Variants in PHF21B observed in about 807,000 individuals in gnomAD.
PHF21B encodes PHD finger protein 21B, also known as PHD finger protein 4.
In PHF21B, 22 loss-of-function variants were observed where a neutral mutation model predicts 62.2. The observed-to-expected ratio is 0.35, with a 90% confidence interval of 0.25 to 0.51. PHF21B has a LOEUF of 0.51. Ranked by LOEUF, PHF21B falls within the 20% of genes least tolerant of loss-of-function variation. The probability of loss-of-function intolerance (pLI) is 0.97; values close to 1 mark genes in which losing one functional copy is unlikely to be tolerated. For synonymous variants in PHF21B, 341 were observed against 314.7 expected, an observed-to-expected ratio of 1.08 and a Z score of -0.88; for missense variants, 701 against 707.9, an observed-to-expected ratio of 0.99 and a Z score of 0.11.
At chr22:44,912,618 TGA>T (rs921381193) in intron 5 of PHF21B, among the ~76,000 whole-genome samples, 51 of 152,166 alleles carry the variant, frequency 3.4e-4, no homozygotes, top group African/African-American at 1.2e-3. Flanking sequence ...TGTGGAACTG[TGA>T]GTTCTCCATT....
At chr22:44,931,119 A>G (rs1371763648) in intron 2 of PHF21B, among the ~76,000 whole-genome samples, 2 of 151,778 alleles carry the variant, frequency 1.3e-5, no homozygotes, top group Non-Finnish European at 2.9e-5. Context: ...CAGTGGCGCA[A>G]CCGTAGCTCA....
chr22:44,914,368 G>C (rs1415636941), intron 4 of PHF21B, among the ~76,000 whole-genome samples: 1 of 152,252 alleles, frequency 6.6e-6, no homozygotes, highest in Non-Finnish European at 1.5e-5. Flanking sequence ...CCGCTTCCCA[G>C]CTGTGTGGCC....
intron 2 of PHF21B, among the ~76,000 whole-genome samples, chr22:44,940,551 G>A (rs769324177): frequency 3.3e-5 from 5 of 152,232 alleles, no homozygotes; most frequent in South Asian, 2.1e-4. Context: ...GAAGGAGGCC[G>A]CCTGAGAGGC....
intron 2 of PHF21B, among the ~76,000 whole-genome samples, chr22:44,973,095 C>T (rs373968691): frequency 6.6e-6 from 1 of 152,214 alleles, no homozygotes; most frequent in Non-Finnish European, 1.5e-5. Flanking sequence ...TGACTCCCCA[C>T]CCCCAGTCAT....
At chr22:44,995,120 A>T (rs2073099450) in intron 2 of PHF21B, among the ~76,000 whole-genome samples, 1 of 152,138 alleles carries the variant, frequency 6.6e-6, no homozygotes, top group Non-Finnish European at 1.5e-5. Flanking sequence ...CCCTCCAGTC[A>T]CCAAGGTTGT....
intron 2 of PHF21B, chr22:44,968,890 G>A (rs1489943916): frequency 6.6e-6 from 1 of 152,122 alleles, no homozygotes; most frequent in Non-Finnish European, 1.5e-5. Flanking sequence ...CTACTTTATT[G>A]ACTTTGTAGC....
At chr22:44,896,131 C>T (rs758796774) in intron 5 of PHF21B, 48 bp from the exon 6 acceptor site, 1 of 1,602,128 alleles carries the variant, frequency 6.2e-7, no homozygotes, top group Admixed American at 1.7e-5. Flanking sequence ...CGTCAAAGTT[C>T]ATTCATGCAC....
At chr22:44,964,088 A>G (rs2072477021) in intron 2 of PHF21B, among the ~76,000 whole-genome samples, 2 of 152,238 alleles carry the variant, frequency 1.3e-5, no homozygotes. Context: ...TGGACCCAAC[A>G]AGAGCAAGAG....
At chr22:44,920,536 G>A in intron 2 of PHF21B, 46 bp from the exon 3 acceptor site, 1 of 1,483,128 alleles carries the variant, frequency 6.7e-7, no homozygotes, top group Non-Finnish European at 9.2e-7. Flanking sequence ...GAGCAGCTGA[G>A]ACCGAATCCG....
In PHF21B at chr22:44,887,000, C is replaced by T. The variant is rs190944687; in HGVS notation, c.1197+963G>A. Among the ~76,000 whole-genome samples, 172 of 151,752 alleles carry T rather than the reference C, an allele frequency of 1.1e-3. 1 individual carries two copies. Among genetic ancestry groups the T allele is most frequent in the African/African-American group, 3.8e-3 (157 of 41,438 alleles). On this transcript the variant is annotated intron_variant, in intron 10 of 12. Transcript: ENST00000313237. ...TGAAACCCCATCTCTACTAAAAATA[C>T]AAAAAATTAGCCAGGAGTGGTGGCG...
At chr22:44,933,519 C>T (rs1429752375) in intron 2 of PHF21B, 1 of 985,350 alleles carries the variant, frequency 1.0e-6, no homozygotes, top group African/African-American at 1.7e-5. Flanking sequence ...TGCCCGCGAT[C>T]TGGGGAAACA....
intron 2 of PHF21B, among the ~76,000 whole-genome samples, chr22:44,952,022 C>T (rs2072204207): frequency 6.6e-6 from 1 of 152,182 alleles, no homozygotes; most frequent in South Asian, 2.1e-4. Flanking sequence ...TGTGATGGTG[C>T]TCACTGCGTG....
chr22:44,960,633 G>A lies in PHF21B; in HGVS notation c.121-40143C>T, dbSNP rs192410726. 1.4e-3 allele frequency among the ~76,000 whole-genome samples: 217 copies of A among 152,334 alleles called. 1 individual carries two copies. The highest frequency in any genetic ancestry group is 4.9e-3 in the African/African-American group (202 of 41,576). ...AGCATTACTTTGGTGTGTCTGTGAGGATGTTTCTGGATGAGACTCACATCT... is the reference window on the plus strand; with the variant it reads ...AGCATTACTTTGGTGTGTCTGTGAGAATGTTTCTGGATGAGACTCACATCT... On this transcript the variant is annotated intron_variant, in intron 2 of 12. Coordinates refer to ENST00000313237, the MANE Select transcript of PHF21B (RefSeq NM_138415.5).
rs146828564 is a variant in PHF21B at position 44,895,746 on chromosome 22, G to A, written c.883+286C>T. Among the ~76,000 whole-genome samples, 836 of 152,314 alleles carry A rather than the reference G, an allele frequency of 5.5e-3. 9 individuals carry two copies. The highest frequency in any genetic ancestry group is 0.019 in the African/African-American group (770 of 41,582). ...AGTGCCACAGTGGGTATTGTGCATA[G>A]TCATGGAGCCAGGGCGAGTCTGGAA... On this transcript the variant is annotated intron_variant, in intron 6 of 12. Transcript: ENST00000313237.
At chr22:44,918,423 C>G (rs947938964) in intron 3 of PHF21B, among the ~76,000 whole-genome samples, 5 of 152,246 alleles carry the variant, frequency 3.3e-5, no homozygotes, top group African/African-American at 1.2e-4. Flanking sequence ...CAGGATCTGG[C>G]CTGAGCCACC....
At chr22:44,999,695 G>T (rs115706866) in intron 2 of PHF21B, among the ~76,000 whole-genome samples, 1 of 151,956 alleles carries the variant, frequency 6.6e-6, no homozygotes, top group Non-Finnish European at 1.5e-5. Context: ...CCCCCTACAC[G>T]TGCCAGTGTT....
At chr22:44,942,389 A>C (rs2071975892) in intron 2 of PHF21B, among the ~76,000 whole-genome samples, 1 of 152,184 alleles carries the variant, frequency 6.6e-6, no homozygotes, top group Non-Finnish European at 1.5e-5. Context: ...GGACAAGAGA[A>C]TAACTGCAGG....
intron 2 of PHF21B, among the ~76,000 whole-genome samples, chr22:44,986,556 A>C (rs2072953506): frequency 6.7e-6 from 1 of 150,196 alleles, no homozygotes; most frequent in Admixed American, 6.6e-5. Flanking sequence ...GGGCAACCCA[A>C]GCAGGATAGC....
chr22:44,999,102 C>T (rs2073168454), intron 2 of PHF21B, among the ~76,000 whole-genome samples: 1 of 152,294 alleles, frequency 6.6e-6, no homozygotes, highest in East Asian at 1.9e-4. Context: ...AAGGGATGCC[C>T]GCTGTTGGCA....
Sources: allele counts gnomAD v4.1 joint callset (sites outside exome capture counted in the v4.1 genomes callset), GRCh38; gene constraint gnomAD v4.1.1; transcripts MANE v1.5; gene names NCBI Gene and HGNC (gene_info 2026-07-23, HGNC 2026-07-21).